TBC1D32: variants seen among roughly 807,000 people sequenced by gnomAD.
TBC1D32 encodes the protein TBC1 domain family member 32, also known as protein broad-minded.
TBC1D32 carries 151 observed loss-of-function variants against 170.3 expected under a neutral mutation model. That is an observed-to-expected ratio of 0.89 (90% CI 0.78 to 1.01). TBC1D32 has a LOEUF of 1.01. Among genes scored for constraint, TBC1D32 ranks in the 50% least tolerant of loss-of-function variants. TBC1D32 has a pLI of 0.00. For missense variants in TBC1D32, 1,464 were observed against 1,457.1 expected, an observed-to-expected ratio of 1.00 and a Z score of -0.08; for synonymous variants, 498 against 488.0, an observed-to-expected ratio of 1.02 and a Z score of -0.27.
At chr6:121,282,992 A>G (rs778880575) in intron 13 of TBC1D32, among the ~76,000 whole-genome samples, 2 of 151,826 alleles carry the variant, frequency 1.3e-5, no homozygotes, top group Non-Finnish European at 3.0e-5. Flanking sequence ...CAGAAGGTAC[A>G]TGTGTCAGCT....
rs774848989 is a variant in TBC1D32, at chr6:121,321,744, GAACCCA to G, written c.200_205del (p.Leu67_Gly68del). 6.2e-7 allele frequency: 1 copy of G among 1,613,636 alleles called. No homozygotes were observed. The highest frequency in any genetic ancestry group is 2.2e-5 in the East Asian group (1 of 44,840). Reference sequence around the variant, plus strand: ...TTTTTCCATTTCTTCTTCAATCATAGAACCCAAAGTGTTGCCTATATGCTGCCTGAG... The same window carrying G: ...TTTTTCCATTTCTTCTTCAATCATAGAAGTGTTGCCTATATGCTGCCTGAG... On this transcript the variant is annotated inframe_deletion, in exon 2 of 32. Coordinates refer to ENST00000398212, the MANE Select transcript of TBC1D32 (RefSeq NM_152730.6).
intron 30 of TBC1D32, among the ~76,000 whole-genome samples, chr6:121,101,576 T>A (rs868828055): frequency 1.3e-5 from 2 of 152,108 alleles, no homozygotes; most frequent in Non-Finnish European, 2.9e-5. Flanking sequence ...TAGGTATTGA[T>A]GGGACGTATC....
intron 12 of TBC1D32, among the ~76,000 whole-genome samples, chr6:121,287,177 T>A (rs1803996932): frequency 6.6e-6 from 1 of 152,138 alleles, no homozygotes; most frequent in African/African-American, 2.4e-5. Context: ...GTAAATGGGC[T>A]AAATGCTCCA....
intron 24 of TBC1D32, among the ~76,000 whole-genome samples, chr6:121,132,454 T>C (rs1347749542): frequency 6.6e-6 from 1 of 152,012 alleles, no homozygotes; most frequent in Non-Finnish European, 1.5e-5. Context: ...AAATGACTTA[T>C]CTTTTAAGCC....
chr6:121,129,800 C>A, intron 25 of TBC1D32: 1 of 363,748 alleles, frequency 2.7e-6, no homozygotes. Flanking sequence ...AATTAAGTTT[C>A]TCCTTTCAAT....
At chr6:121,307,123 C>T (rs980524405) in intron 5 of TBC1D32, among the ~76,000 whole-genome samples, 12 of 151,942 alleles carry the variant, frequency 7.9e-5, no homozygotes, top group Non-Finnish European at 1.5e-4. Context: ...GCCTGTAATC[C>T]CAGCACTTTG....
chr6:121,084,485 G>A (rs1259836773), intron 31 of TBC1D32, among the ~76,000 whole-genome samples: 1 of 152,046 alleles, frequency 6.6e-6, no homozygotes, highest in African/African-American at 2.4e-5. Flanking sequence ...TTAGGCATGG[G>A]TTGGCCTATC....
intron 22 of TBC1D32, 32 bp from the exon 23 acceptor site, chr6:121,161,088 C>G: frequency 6.7e-7 from 1 of 1,495,308 alleles, no homozygotes; most frequent in South Asian, 1.2e-5. Flanking sequence ...CTTTGTCATC[C>G]TTTTGATTGA....
At position 121,293,638 on chromosome 6, in the gene TBC1D32, G is replaced by A. The variant is rs544861173; in HGVS notation, c.1231+932C>T. Among the ~76,000 whole-genome samples, 41 of 152,264 alleles carry A rather than the reference G, an allele frequency of 2.7e-4. No homozygotes were observed. The South Asian group carries it at 4.6e-3, about 17-fold the overall frequency. On this transcript the variant is annotated intron_variant, in intron 11 of 31. Transcript: ENST00000398212. Reference sequence around the variant, plus strand: ...ATTTAAAATACAGTTTCTGCAGGGCGCGGTGGCTCATGCCTGTAATCCCAG... The same window carrying A: ...ATTTAAAATACAGTTTCTGCAGGGCACGGTGGCTCATGCCTGTAATCCCAG...
chr6:121,176,609 C>A (rs186111156), intron 22 of TBC1D32, among the ~76,000 whole-genome samples: 63 of 151,992 alleles, frequency 4.1e-4, no homozygotes, highest in Admixed American at 1.0e-3. Context: ...TTTCTCCCCC[C>A]ACCCCCGAGA....
chr6:121,112,925 T>A, intron 28 of TBC1D32, 137 bp downstream of exon 28: 1 of 673,160 alleles, frequency 1.5e-6, no homozygotes, highest in Non-Finnish European at 2.4e-6. Flanking sequence ...TAAAATACTG[T>A]AAGAATATAT....
intron 9 of TBC1D32, among the ~76,000 whole-genome samples, chr6:121,301,861 C>T (rs1806531117): frequency 6.6e-6 from 1 of 151,896 alleles, no homozygotes; most frequent in South Asian, 2.1e-4. Flanking sequence ...AACTCCCAAC[C>T]TCAAGTGATC....
chr6:121,153,332 C>T (rs1347823817), intron 24 of TBC1D32, among the ~76,000 whole-genome samples: 1 of 152,200 alleles, frequency 6.6e-6, no homozygotes, highest in African/African-American at 2.4e-5. Flanking sequence ...GGTTGCAGAA[C>T]AGCAAAGATT....
intron 12 of TBC1D32, among the ~76,000 whole-genome samples, chr6:121,291,566 T>C (rs1459512131): frequency 6.6e-6 from 1 of 152,094 alleles, no homozygotes; most frequent in Non-Finnish European, 1.5e-5. Context: ...AAAAAGTAAA[T>C]GAGACTTAGG....
At chr6:121,172,880 GTTATA>G (rs1207566037) in intron 22 of TBC1D32, among the ~76,000 whole-genome samples, 10 of 152,210 alleles carry the variant, frequency 6.6e-5, no homozygotes, top group South Asian at 4.1e-4. Context: ...ATAAAGGATA[GTTATA>G]TTATGTTAGG....
chr6:121,171,187 A>G (rs1003587871), intron 22 of TBC1D32, among the ~76,000 whole-genome samples: 38 of 152,020 alleles, frequency 2.5e-4, no homozygotes, highest in Non-Finnish European at 4.7e-4. Context: ...AAACATATTT[A>G]AAAACACTGT....
rs751434494 is a variant in TBC1D32 at position 121,317,683 on chromosome 6, A to C, written c.318-11T>G. The stretch of plus-strand genomic sequence containing the variant: ...ATCATTTCTTTGTACCTTTAAATTC[A>C]AGGTAGTCTTAATAAGAGAAAGACG... On this transcript the variant is annotated splice_polypyrimidine_tract_variant and intron_variant, in intron 2 of 31. Coordinates refer to ENST00000398212, the MANE Select transcript of TBC1D32 (RefSeq NM_152730.6). 20 of 1,557,246 alleles carry C rather than the reference A, an allele frequency of 1.3e-5. No individual in the cohort carries two copies. The highest frequency in any genetic ancestry group is 1.5e-5 in the Non-Finnish European group (17 of 1,150,228).
chr6:121,207,804 TC>T (rs1375440595), intron 21 of TBC1D32, among the ~76,000 whole-genome samples: 1 of 152,198 alleles, frequency 6.6e-6, no homozygotes, highest in African/African-American at 2.4e-5. Context: ...GAATATCAGT[TC>T]TATATAAAGA....
intron 1 of TBC1D32, among the ~76,000 whole-genome samples, chr6:121,333,670 T>C (rs543124514): frequency 6.6e-6 from 1 of 152,316 alleles, no homozygotes; most frequent in East Asian, 1.9e-4. Context: ...CGTGGAAGTA[T>C]TCTTTCAAAG....
Sources: gnomAD v4.1 joint callset for allele counts (sites outside exome capture counted in the v4.1 genomes callset) on GRCh38, gnomAD v4.1.1 for gene constraint, MANE v1.5 for transcripts, NCBI Gene and HGNC (gene_info 2026-07-23, HGNC 2026-07-21) for gene names.